The following FGFR2 variants were observed in gnomAD, a reference collection of about 807,000 sequenced individuals.
FGFR2 encodes the protein fibroblast growth factor receptor 2.
FGFR2 carries 19 observed loss-of-function variants against 95.9 expected under a neutral mutation model. The ratio of observed to expected loss-of-function variants is 0.20; its 90% CI spans 0.14 to 0.29. The LOEUF (loss-of-function observed/expected upper bound fraction) is 0.29. FGFR2 is among the 10% of genes least tolerant of loss of function. The pLI, the probability that FGFR2 is intolerant of heterozygous loss-of-function variation, is 1.00. For synonymous variants in FGFR2, 392 were observed against 393.3 expected, an observed-to-expected ratio of 1.00 and a Z score of 0.04; for missense variants, 707 against 1,056.9, an observed-to-expected ratio of 0.67 and a Z score of 4.59.
intron 9 of FGFR2, among the ~76,000 whole-genome samples, chr10:121,512,876 C>T (rs1564905324): frequency 6.6e-6 from 1 of 151,340 alleles, no homozygotes. Context: ...AATTCTCTCT[C>T]TTTTTTTTTA....
intron 2 of FGFR2, among the ~76,000 whole-genome samples, chr10:121,573,891 CGGCTGTAG>C (rs1427511786): frequency 3.9e-5 from 6 of 152,266 alleles, no homozygotes; most frequent in African/African-American, 7.2e-5. Flanking sequence ...GTAAATGTCA[CGGCTGTAG>C]GGCTGTAGGG....
At chr10:121,520,437 C>T (rs1473945477) in intron 6 of FGFR2, among the ~76,000 whole-genome samples, 1 of 152,172 alleles carries the variant, frequency 6.6e-6, no homozygotes, top group Non-Finnish European at 1.5e-5. Context: ...CTGTCCACTG[C>T]CACCTGATGA....
chr10:121,540,299 C>A (rs930675261), intron 5 of FGFR2, among the ~76,000 whole-genome samples: 2 of 152,058 alleles, frequency 1.3e-5, no homozygotes, highest in Admixed American at 6.5e-5. Context: ...GGCATCTGAT[C>A]GACAGTGGAG....
chr10:121,520,665 C>T (rs911955871), intron 6 of FGFR2, among the ~76,000 whole-genome samples: 5 of 152,090 alleles, frequency 3.3e-5, no homozygotes, highest in Admixed American at 2.6e-4. Context: ...TTTTCTCAGA[C>T]GGGGTCTCAC....
chr10:121,503,542 T>C (rs1180618634), intron 10 of FGFR2, among the ~76,000 whole-genome samples: 1 of 152,208 alleles, frequency 6.6e-6, no homozygotes, highest in Admixed American at 6.5e-5. Flanking sequence ...TAAAAAATGA[T>C]AACCAGATGC....
intron 6 of FGFR2, among the ~76,000 whole-genome samples, chr10:121,523,485 G>A (rs140314828): frequency 3.9e-5 from 6 of 152,210 alleles, no homozygotes; most frequent in Non-Finnish European, 7.4e-5. Context: ...TTAAGTCCGC[G>A]CACGAACAGA....
At chr10:121,532,770 G>A (rs112452970) in intron 6 of FGFR2, among the ~76,000 whole-genome samples, 2,108 of 152,228 alleles carry the variant, frequency 0.014, 51 homozygotes, top group African/African-American at 0.048. Context: ...CTCCACATTC[G>A]AGCTTATCAG....
chr10:121,508,053 G>C (rs556972035), intron 9 of FGFR2, among the ~76,000 whole-genome samples: 1 of 152,214 alleles, frequency 6.6e-6, no homozygotes, highest in Non-Finnish European at 1.5e-5. Context: ...AAGTATATGA[G>C]AGGATGTACA....
At chr10:121,498,104 G>A (rs891024889) in intron 12 of FGFR2, among the ~76,000 whole-genome samples, 30 of 152,280 alleles carry the variant, frequency 2.0e-4, no homozygotes, top group African/African-American at 7.2e-4. Context: ...AGCAAGATGT[G>A]GATTCTTCAA....
At chr10:121,574,601 A>G (rs1859407624) in intron 2 of FGFR2, among the ~76,000 whole-genome samples, 1 of 152,166 alleles carries the variant, frequency 6.6e-6, no homozygotes, top group Non-Finnish European at 1.5e-5. Flanking sequence ...AGTCAGAACC[A>G]ACCACCTTTG....
chr10:121,509,220 A>C (rs1848698293), intron 9 of FGFR2, among the ~76,000 whole-genome samples: 1 of 152,174 alleles, frequency 6.6e-6, no homozygotes, highest in Non-Finnish European at 1.5e-5. Flanking sequence ...CTTATAAACA[A>C]TCAACACGAA....
At chr10:121,584,340 C>T (rs965557512) in intron 2 of FGFR2, among the ~76,000 whole-genome samples, 9 of 151,030 alleles carry the variant, frequency 6.0e-5, no homozygotes, top group African/African-American at 1.9e-4. Flanking sequence ...CACCACACCG[C>T]ACCCCACCCC....
At chr10:121,508,168 G>A (rs1848566219) in intron 9 of FGFR2, among the ~76,000 whole-genome samples, 2 of 152,160 alleles carry the variant, frequency 1.3e-5, no homozygotes, top group South Asian at 2.1e-4. Context: ...CATACCAAGC[G>A]ACGATTGTAC....
intron 4 of FGFR2, among the ~76,000 whole-genome samples, chr10:121,562,284 GTTTT>G (rs374500237): frequency 7.0e-6 from 1 of 142,274 alleles, no homozygotes; most frequent in Non-Finnish European, 1.5e-5. Context: ...AACAGAGTTT[GTTTT>G]TTTTTTTTTT....
chr10:121,593,377 G>T (rs185448810), intron 2 of FGFR2, among the ~76,000 whole-genome samples: 32 of 152,292 alleles, frequency 2.1e-4, no homozygotes, highest in Admixed American at 1.1e-3. Context: ...GATGCTGGGG[G>T]AGACTAGAGA....
At chr10:121,500,998 G>A (rs1388332161) in intron 10 of FGFR2, 51 bp from the exon 11 acceptor site, 6 of 1,609,712 alleles carry the variant, frequency 3.7e-6, no homozygotes, top group Non-Finnish European at 5.1e-6. Context: ...ATGGGGTGTA[G>A]TGAGGGAAAT....
In FGFR2 at chr10:121,596,655, A is replaced by G. The variant is rs901268254; in HGVS notation, c.-151+1307T>C. On this transcript the variant is annotated intron_variant, in intron 1 of 17. Coordinates refer to ENST00000358487, the MANE Select transcript of FGFR2 (RefSeq NM_000141.5). ...AATTCCTCAACAAATTGAAATCTCAAAAAACACACACTGACCCAGGACCAC... is the reference window on the plus strand; with the variant it reads ...AATTCCTCAACAAATTGAAATCTCAGAAAACACACACTGACCCAGGACCAC... 14 of 204,578 alleles carry G rather than the reference A, an allele frequency of 6.8e-5. 1 individual carries two copies. The highest frequency in any genetic ancestry group is 1.0e-4 in the Non-Finnish European group (10 of 99,964). 12.7% of individuals were successfully genotyped at this position (204,578 alleles called of 1,614,324 possible). A position where few individuals can be genotyped will look rare whatever the true frequency, so the allele number is the denominator to read the frequency against.
chr10:121,565,384 A>G (rs2135106872), intron 3 of FGFR2, 54 bp downstream of exon 3: 2 of 1,610,234 alleles, frequency 1.2e-6, no homozygotes, highest in East Asian at 4.5e-5. Context: ...ACTTGGCCAA[A>G]AAAATGTAAT....
intron 2 of FGFR2, among the ~76,000 whole-genome samples, chr10:121,582,022 TC>T (rs775297796): frequency 2.0e-5 from 3 of 151,956 alleles, no homozygotes; most frequent in Non-Finnish European, 4.4e-5. Context: ...AACCTCTGCC[TC>T]CCAGGTTCAA....
Sources: gnomAD v4.1 joint callset for allele counts (sites outside exome capture counted in the v4.1 genomes callset) on GRCh38, gnomAD v4.1.1 for gene constraint, MANE v1.5 for transcripts, NCBI Gene and HGNC (gene_info 2026-07-23, HGNC 2026-07-21) for gene names.